The following POMP variants were observed in gnomAD, a reference collection of about 807,000 sequenced individuals.
The protein encoded by POMP is proteasome maturation protein, also known as 2510048O06Rik.
Under a neutral mutation model 20.6 loss-of-function variants are expected in POMP, and 12 were observed. That is an observed-to-expected ratio of 0.58 (90% confidence interval 0.37 to 0.94). POMP has a LOEUF of 0.94. POMP is among the 40% of genes least tolerant of loss of function. POMP has a pLI of 0.01. For missense variants in POMP, 136 were observed against 161.1 expected (o/e 0.84, Z 0.84); for synonymous variants, 53 against 55.0 (o/e 0.96, Z 0.16).
chr13:28,676,498 G>C (rs945188529), intron 5 of POMP, among the ~76,000 whole-genome samples: 1 of 151,954 alleles, frequency 6.6e-6, no homozygotes, highest in African/African-American at 2.4e-5. Flanking sequence ...TTTTTTTCTT[G>C]TTAACAGTTG....
intron 2 of POMP, among the ~76,000 whole-genome samples, chr13:28,663,048 G>A (rs11839764): frequency 0.044 from 6,759 of 152,076 alleles, 501 homozygotes; most frequent in African/African-American, 0.15. Context: ...TATTTTAAAT[G>A]GTACCTGACA....
At chr13:28,667,940 A>T (rs1015025888) in intron 3 of POMP, among the ~76,000 whole-genome samples, 1 of 152,230 alleles carries the variant, frequency 6.6e-6, no homozygotes, top group Non-Finnish European at 1.5e-5. Context: ...ATACAAATTG[A>T]ATAAACTTTT....
chr13:28,672,357 C>T lies in POMP; in HGVS notation c.283C>T (p.Leu95Phe). The T allele has an allele frequency of 6.2e-7, 1 of 1,609,968 alleles. No individual in the cohort carries two copies. Among genetic ancestry groups the T allele is most frequent in the Non-Finnish European group, 8.5e-7 (1 of 1,176,332 alleles). Residue 95 changes from leucine (L) to phenylalanine (F), a missense_variant, in exon 5 of 6, where the codon CTT (leucine) becomes TTT (phenylalanine). By Grantham distance (22) the Leu-to-Phe change is conservative (BLOSUM62 0). Coordinates refer to ENST00000380842, the MANE Select transcript of POMP (RefSeq NM_015932.6). The stretch of plus-strand genomic sequence containing the variant: ...CCCAAAGGTTCAGCGTCTTCCATTT[C>T]TTTCAAGCTCAAATCTTTCACTGGA... ...AVQQVQRLPFLSSSNLSLDVL... is the reference protein window; with the variant it reads ...AVQQVQRLPFFSSSNLSLDVL...
chr13:28,664,710 A>T, intron 3 of POMP, 141 bp downstream of exon 3: 1 of 594,812 alleles, frequency 1.7e-6, no homozygotes, highest in East Asian at 2.9e-5. Context: ...AACCCCTTGT[A>T]GGATAGACTT....
rs912620533 is a variant in POMP at position 28,659,155 on chromosome 13, G to A, written c.-30G>A. 5.1e-6 allele frequency: 8 copies of A among 1,580,648 alleles called. No individual in the cohort carries two copies. In the African/African-American group the frequency reaches 1.1e-4, roughly 21 times the overall value. ...GGCGGGGTCGACTGACGGTAACGGG[G>A]CAGAGAGGCTGTTCGCAGAGCTGCG... On this transcript the variant is annotated 5_prime_UTR_variant, in exon 1 of 6. Coordinates refer to ENST00000380842, the MANE Select transcript of POMP (RefSeq NM_015932.6).
At chr13:28,676,302 C>G (rs1472561894) in intron 5 of POMP, among the ~76,000 whole-genome samples, 1 of 152,152 alleles carries the variant, frequency 6.6e-6, no homozygotes, top group African/African-American at 2.4e-5. Flanking sequence ...CCGCGCCTGG[C>G]CGGGAATCAC....
intron 3 of POMP, among the ~76,000 whole-genome samples, chr13:28,668,172 C>T (rs1045406659): frequency 9.9e-5 from 15 of 151,066 alleles, no homozygotes; most frequent in South Asian, 6.2e-4. Context: ...TAATCAAAAG[C>T]GCTAAAATAT....
At chr13:28,674,747 G>A (rs148005436) in intron 5 of POMP, among the ~76,000 whole-genome samples, 130 of 152,306 alleles carry the variant, frequency 8.5e-4, no homozygotes, top group African/African-American at 2.9e-3. Context: ...GTTTAAAAAG[G>A]TCACTAGCTG....
At chr13:28,666,748 G>T (rs1259044803) in intron 3 of POMP, among the ~76,000 whole-genome samples, 1 of 152,194 alleles carries the variant, frequency 6.6e-6, no homozygotes, top group African/African-American at 2.4e-5. Context: ...TAGTAGCTCT[G>T]CATGATTGGG....
chr13:28,665,024 A>G (rs1035100708), intron 3 of POMP, among the ~76,000 whole-genome samples: 2 of 152,176 alleles, frequency 1.3e-5, no homozygotes, highest in Non-Finnish European at 2.9e-5. Context: ...TTTAATGAGG[A>G]AGACAAGCAG....
chr13:28,664,693 AT>A, intron 3 of POMP, 124 bp downstream of exon 3: 1 of 635,252 alleles, frequency 1.6e-6, no homozygotes, highest in South Asian at 2.0e-5. Flanking sequence ...ATGAGGCGTT[AT>A]TTTCAAACCC....
chr13:28,668,581 T>C lies in POMP; in HGVS notation c.264+7T>C, dbSNP rs761754915. 2.6e-5 allele frequency: 41 copies of C among 1,572,374 alleles called. No individual in the cohort carries two copies. In the Middle Eastern group the frequency reaches 1.3e-3, roughly 51 times the overall value. ...ATTCAAGGCAGTGCAGCAGGTGAGTTGATGGATCTCTGTTGCATATGTGTC... is the reference window on the plus strand; with the variant it reads ...ATTCAAGGCAGTGCAGCAGGTGAGTCGATGGATCTCTGTTGCATATGTGTC... On this transcript the variant is annotated splice_region_variant and intron_variant, in intron 4 of 5. Coordinates refer to ENST00000380842, the MANE Select transcript of POMP (RefSeq NM_015932.6).
chr13:28,663,331 A>G (rs556236702), intron 2 of POMP, among the ~76,000 whole-genome samples: 1 of 152,016 alleles, frequency 6.6e-6, no homozygotes, highest in Non-Finnish European at 1.5e-5. Flanking sequence ...ATTTTTTGAG[A>G]TGGCATTTTC....
At chr13:28,674,439 G>A (rs972534145) in intron 5 of POMP, among the ~76,000 whole-genome samples, 9 of 152,184 alleles carry the variant, frequency 5.9e-5, no homozygotes, top group African/African-American at 1.7e-4. Flanking sequence ...AGGCTGAAAC[G>A]GCTTTGGAAA....
intron 4 of POMP, among the ~76,000 whole-genome samples, chr13:28,671,570 G>A (rs1224494037): frequency 6.7e-6 from 1 of 150,318 alleles, no homozygotes; most frequent in Non-Finnish European, 1.5e-5. Context: ...CTAACTACCA[G>A]ACCCCTTGCT....
chr13:28,677,194 TA>T (rs1884643498), intron 5 of POMP, among the ~76,000 whole-genome samples: 1 of 150,174 alleles, frequency 6.7e-6, no homozygotes, highest in African/African-American at 2.5e-5. Flanking sequence ...TAGTCAAAAA[TA>T]TTGCCTTTTT....
chr13:28,659,947 A>C (rs1884305422), intron 1 of POMP: 1 of 152,192 alleles, frequency 6.6e-6, no homozygotes, highest in Non-Finnish European at 1.5e-5. Flanking sequence ...TTATCTAAAA[A>C]GTTTTTTAGG....
At chr13:28,669,489 C>T (rs972148473) in intron 4 of POMP, among the ~76,000 whole-genome samples, 1 of 152,100 alleles carries the variant, frequency 6.6e-6, no homozygotes, top group Non-Finnish European at 1.5e-5. Flanking sequence ...AATCCTCTTG[C>T]CTCACTCTCC....
At chr13:28,659,657 G>A (rs536671088) in intron 1 of POMP, among the ~76,000 whole-genome samples, 16 of 152,224 alleles carry the variant, frequency 1.1e-4, no homozygotes, top group African/African-American at 3.6e-4. Flanking sequence ...GGTCGCATTT[G>A]TGTAACGCAG....
Sources: allele counts gnomAD v4.1 joint callset (sites outside exome capture counted in the v4.1 genomes callset), GRCh38; gene constraint gnomAD v4.1.1; transcripts MANE v1.5; gene names NCBI Gene and HGNC (gene_info 2026-07-23, HGNC 2026-07-21).